Variants in SLC16A7 observed in about 807,000 individuals in gnomAD.
The protein encoded by SLC16A7 is solute carrier family 16 member 7, also known as monocarboxylate transporter 2.
In SLC16A7, 33 loss-of-function variants were observed where a neutral mutation model predicts 34.9. The ratio of observed to expected loss-of-function variants is 0.94; its 90% CI spans 0.72 to 1.26. The LOEUF is 1.26. SLC16A7 is among the 50% of genes most tolerant of loss of function. The pLI, the probability that SLC16A7 is intolerant of heterozygous loss-of-function variation, is 0.00. For missense variants in SLC16A7, 573 were observed against 578.1 expected (o/e 0.99, Z 0.09); for synonymous variants, 201 against 206.6 (o/e 0.97, Z 0.23).
intron 3 of SLC16A7, among the ~76,000 whole-genome samples, chr12:59,730,855 C>T (rs1434196683): frequency 6.6e-6 from 1 of 152,144 alleles, no homozygotes; most frequent in Non-Finnish European, 1.5e-5. Flanking sequence ...GAGACTTGCT[C>T]TCAAGTCTCT....
At chr12:59,665,846 A>G (rs1041261490) in intron 2 of SLC16A7, among the ~76,000 whole-genome samples, 3 of 145,028 alleles carry the variant, frequency 2.1e-5, no homozygotes, top group East Asian at 2.0e-4. Context: ...GTGTGTGTCT[A>G]TGTGTGTGTG....
intron 3 of SLC16A7, chr12:59,733,785 A>G (rs1200562749): frequency 2.2e-6 from 1 of 456,074 alleles, no homozygotes; most frequent in East Asian, 7.0e-5. Flanking sequence ...CGAGCAAGGC[A>G]GAGAGGAGCT....
Position 59,774,897 on chromosome 12 carries a change from A to G in SLC16A7, c.602A>G (p.Asn201Ser), listed in dbSNP as rs147922874. The G allele has an allele frequency of 5.4e-4, 876 of 1,613,986 alleles. 7 individuals carry two copies. In the African/African-American group the frequency reaches 0.01, roughly 19 times the overall value. Reference sequence around the variant, plus strand: ...TCCCTCATGAGACCCCTTGGACCCAATCAAACCACTTCTAAGTCTAAAAAT... The same window carrying G: ...TCCCTCATGAGACCCCTTGGACCCAGTCAAACCACTTCTAAGTCTAAAAAT... ...AGSLMRPLGP[N>S]QTTSKSKNKT... The change falls in exon 5 of 6, where the codon AAT (asparagine) becomes AGT (serine). Residue 201 changes from asparagine (N) to serine (S), a missense_variant. Transcript: ENST00000547379.
intron 2 of SLC16A7, among the ~76,000 whole-genome samples, chr12:59,700,522 G>T (rs1365228491): frequency 3.4e-5 from 5 of 148,646 alleles, no homozygotes; most frequent in Non-Finnish European, 6.0e-5. Context: ...TAATTATTAA[G>T]AATTTAATTT....
At chr12:59,673,697 G>C (rs1725952524) in intron 2 of SLC16A7, among the ~76,000 whole-genome samples, 1 of 152,030 alleles carries the variant, frequency 6.6e-6, no homozygotes, top group Admixed American at 6.6e-5. Context: ...CTTAATATTG[G>C]AACAGGTTTA....
At chr12:59,710,707 C>T (rs2137162318) in intron 3 of SLC16A7, among the ~76,000 whole-genome samples, 1 of 152,198 alleles carries the variant, frequency 6.6e-6, no homozygotes, top group South Asian at 2.1e-4. Context: ...GACTATCTTT[C>T]CTGATTTTTG....
In SLC16A7 at chr12:59,772,323, C is replaced by T. The variant is rs138117329; in HGVS notation, c.361+961C>T. On this transcript the variant is annotated intron_variant, in intron 4 of 5. Coordinates refer to ENST00000547379, the MANE Select transcript of SLC16A7 (RefSeq NM_001270623.2). Reference sequence around the variant, plus strand: ...TGCATTTAATATTGTAAATGAAAACCGTCTTATATGTAAGCATTATCATAG... The same window carrying T: ...TGCATTTAATATTGTAAATGAAAACTGTCTTATATGTAAGCATTATCATAG... 9.5e-4 allele frequency among the ~76,000 whole-genome samples: 144 copies of T among 152,096 alleles called. 2 individuals carry two copies. Among genetic ancestry groups the T allele is most frequent in the African/African-American group, 3.4e-3 (140 of 41,510 alleles).
chr12:59,650,377 T>C (rs1565631376), intron 1 of SLC16A7, among the ~76,000 whole-genome samples: 1 of 152,146 alleles, frequency 6.6e-6, no homozygotes, highest in Non-Finnish European at 1.5e-5. Flanking sequence ...GCATATCCAT[T>C]TGGTGTCTTT....
chr12:59,648,300 T>C (rs1345436044), intron 1 of SLC16A7, among the ~76,000 whole-genome samples: 1 of 152,156 alleles, frequency 6.6e-6, no homozygotes, highest in African/African-American at 2.4e-5. Context: ...ATGCAATAAT[T>C]GCATAGTCCA....
rs537936170 is a variant in SLC16A7, at chr12:59,615,506, A to G, written c.-130+19270A>G. Among the ~76,000 whole-genome samples the G allele has an allele frequency of 5.9e-5, 9 of 152,252 alleles. No individual in the cohort carries two copies. In the South Asian group the frequency reaches 1.9e-3, roughly 32 times the overall value. ...AATCTCTTGTAAGAGGAATTTTCTG[A>G]TAAGATTAAAAAGAGGCACATGGAG... On this transcript the variant is annotated intron_variant, in intron 1 of 5. Coordinates refer to ENST00000547379, the MANE Select transcript of SLC16A7 (RefSeq NM_001270623.2).
intron 1 of SLC16A7, among the ~76,000 whole-genome samples, chr12:59,650,265 A>G (rs548670007): frequency 7.9e-5 from 12 of 152,136 alleles, no homozygotes; most frequent in African/African-American, 2.7e-4. Context: ...AATAAAGGAG[A>G]TATGGTATTA....
chr12:59,768,846 AAAG>A (rs1476870702), intron 3 of SLC16A7, among the ~76,000 whole-genome samples: 1 of 152,036 alleles, frequency 6.6e-6, no homozygotes, highest in Admixed American at 6.6e-5. Flanking sequence ...AAAAAATTAA[AAAG>A]AATAGCCAGG....
At chr12:59,666,711 C>T (rs1342653509) in intron 2 of SLC16A7, among the ~76,000 whole-genome samples, 6 of 152,160 alleles carry the variant, frequency 3.9e-5, no homozygotes, top group South Asian at 2.1e-4. Flanking sequence ...GAGGTCTCTC[C>T]AGCCATGTGG....
At chr12:59,700,655 TA>T (rs1306034316) in intron 2 of SLC16A7, among the ~76,000 whole-genome samples, 1 of 151,398 alleles carries the variant, frequency 6.6e-6, no homozygotes, top group Non-Finnish European at 1.5e-5. Flanking sequence ...CACGTACATA[TA>T]TGGTAAAAGT....
chr12:59,731,207 A>G (rs1876914239), intron 3 of SLC16A7, among the ~76,000 whole-genome samples: 1 of 152,230 alleles, frequency 6.6e-6, no homozygotes, highest in Non-Finnish European at 1.5e-5. Context: ...TGAATCAAAT[A>G]AGAAACTGCT....
chr12:59,691,465 C>A (rs1029436154), intron 2 of SLC16A7, among the ~76,000 whole-genome samples: 5 of 151,982 alleles, frequency 3.3e-5, no homozygotes, highest in African/African-American at 1.2e-4. Context: ...GATGAAGCAG[C>A]TAGTCAAGAA....
At chr12:59,674,394 TAGAA>T (rs575998772) in intron 2 of SLC16A7, among the ~76,000 whole-genome samples, 8 of 152,214 alleles carry the variant, frequency 5.3e-5, no homozygotes, top group Non-Finnish European at 1.0e-4. Context: ...AATTAAATGA[TAGAA>T]AGAGGCTTTC....
intron 2 of SLC16A7, among the ~76,000 whole-genome samples, chr12:59,672,002 TCCATATATCCGTATATATGTGTATATATC>T (rs1565641140): frequency 0.01 from 29 of 2,844 alleles, 13 homozygotes; most frequent in African/African-American, 0.076. Context: ...TGTGTATATA[TCCATATATCCGTATATATGTGTATATATC>T]GCATATATCC....
chr12:59,604,604 C>T (rs188877684), intron 1 of SLC16A7, among the ~76,000 whole-genome samples: 1 of 152,162 alleles, frequency 6.6e-6, no homozygotes, highest in Non-Finnish European at 1.5e-5. Flanking sequence ...TATTTAATAC[C>T]TTACATGTTT....
Sources: gnomAD v4.1 joint callset for allele counts (sites outside exome capture counted in the v4.1 genomes callset) on GRCh38, gnomAD v4.1.1 for gene constraint, MANE v1.5 for transcripts, NCBI Gene and HGNC (gene_info 2026-07-23, HGNC 2026-07-21) for gene names.